Variants in ARVCF observed in about 807,000 individuals in gnomAD.
ARVCF encodes splicing regulator ARVCF.
A neutral mutation model predicts 90.9 loss-of-function variants in ARVCF; 66 were observed. The ratio of observed to expected loss-of-function variants is 0.73; its 90% CI spans 0.60 to 0.89. The LOEUF is 0.89. Ranked by LOEUF, ARVCF falls within the 40% of genes least tolerant of loss-of-function variation. The pLI is 0.00. For synonymous variants in ARVCF, 653 were observed against 603.4 expected (o/e 1.08, Z -1.21); for missense variants, 1,469 against 1,382.3 (o/e 1.06, Z -1.00).
intron 4 of ARVCF, 28 bp downstream of exon 4, chr22:19,981,905 C>G: frequency 6.2e-7 from 1 of 1,608,044 alleles, no homozygotes; most frequent in Non-Finnish European, 8.5e-7. Flanking sequence ...GCCCTGCTCA[C>G]CCACCCACTG....
chr22:19,972,782 C>G lies in ARVCF; in HGVS notation c.2596G>C (p.Gly866Arg), dbSNP rs1942892845. 1 of 1,613,472 alleles carries G rather than the reference C, an allele frequency of 6.2e-7. No individual in the cohort carries two copies. Among genetic ancestry groups the G allele is most frequent in the South Asian group, 1.1e-5 (1 of 91,066 alleles). ...GGCAGCGTGCTGTCATCGAAGCCCC[C>G]AGGACTCAGTGCTCCCTTAGGCCCC... Reference protein sequence around the residue: ...AKGPKGALSPGGFDDSTLPLV... With the variant: ...AKGPKGALSPRGFDDSTLPLV... Residue 866 changes from glycine to arginine, a missense_variant, in exon 16 of 20, where the codon GGG becomes CGG. Transcript: ENST00000263207.
intron 2 of ARVCF, among the ~76,000 whole-genome samples, chr22:19,991,082 C>A (rs746545070): frequency 6.6e-6 from 1 of 152,262 alleles, no homozygotes; most frequent in Non-Finnish European, 1.5e-5. Flanking sequence ...GGGCCGTGGG[C>A]GGCTTGGAGC....
At chr22:20,005,826 GTC>G (rs2146471156) in intron 2 of ARVCF, among the ~76,000 whole-genome samples, 2 of 151,476 alleles carry the variant, frequency 1.3e-5, no homozygotes, top group South Asian at 2.1e-4. Flanking sequence ...TGAAAGCAGA[GTC>G]TCCAAGAGAT....
chr22:20,003,263 G>A (rs1407945644), intron 2 of ARVCF, among the ~76,000 whole-genome samples: 1 of 152,126 alleles, frequency 6.6e-6, no homozygotes, highest in Non-Finnish European at 1.5e-5. Context: ...TGGTTTCACT[G>A]GTGTATTCTA....
chr22:20,006,833 T>C (rs1005784251), intron 2 of ARVCF, among the ~76,000 whole-genome samples: 2 of 151,620 alleles, frequency 1.3e-5, no homozygotes, highest in Admixed American at 1.3e-4. Flanking sequence ...GGTTTCACCA[T>C]GTTGACCAGG....
chr22:19,981,636 A>G lies in ARVCF; in HGVS notation c.471T>C (p.Pro157=), dbSNP rs1390484804. Reference sequence around the variant, plus strand: ...GCCGGTCCAGGGCACCATCTGCAAAAGGGCCTAGTGGGGGGCCGCCATCCA... The same window carrying G: ...GCCGGTCCAGGGCACCATCTGCAAAGGGGCCTAGTGGGGGGCCGCCATCCA... ...PLLDGGPPLG[P]FADGALDRHF... is the part of the protein sequence containing the mutation. Residue 157 remains proline, a synonymous_variant, in exon 5 of 20, where the codon CCT becomes CCC. Transcript: ENST00000263207. 1 of 1,609,328 alleles carries G rather than the reference A, an allele frequency of 6.2e-7. No homozygotes were observed. The highest frequency in any genetic ancestry group is 1.1e-5 in the South Asian group (1 of 90,996).
chr22:19,973,064 T>C, intron 14 of ARVCF, 28 bp from the exon 15 acceptor site: 3 of 1,608,076 alleles, frequency 1.9e-6, no homozygotes, highest in African/African-American at 1.3e-5. Flanking sequence ...GGGTCAGTGG[T>C]GGCCCCTCCC....
chr22:19,986,929 G>T, intron 3 of ARVCF: 1 of 517,964 alleles, frequency 1.9e-6, no homozygotes. Flanking sequence ...CCAGCCTGAC[G>T]CAGCCCAGCC....
Position 19,972,986 on chromosome 22 carries a change from C to T in ARVCF, c.2489G>A (p.Trp830Ter). Residue 830 changes from tryptophan to a stop codon, truncating the protein, a stop_gained, in exon 15 of 20, where the codon TGG becomes TAG. Coordinates refer to ENST00000263207, the MANE Select transcript of ARVCF (RefSeq NM_001670.3). LOFTEE classifies it high-confidence loss of function. ...GGTACCACGCAGCTCCTTGTAGCTC[C>T]ACACTGTCTGCAGCACGTGTGACGC... is the stretch of plus-strand genomic sequence containing the variant. ...KAASHVLQTV[W>*]SYKELRGTLQ... 6.2e-7 allele frequency: 1 copy of T among 1,613,674 alleles called. No homozygotes were observed. The highest frequency in any genetic ancestry group is 8.5e-7 in the Non-Finnish European group (1 of 1,180,026).
Position 19,981,717 on chromosome 22 carries a change from C to A in ARVCF, c.390G>T (p.Thr130=). Residue 130 remains threonine, a synonymous_variant, in exon 5 of 20, where the codon ACG becomes ACT. Transcript: ENST00000263207. ...TETKVTKTVK[T]VTTRTVRQVP... is the part of the protein sequence containing the mutation. Reference sequence around the variant, plus strand: ...CCTGGCGTACTGTCCGAGTGGTCACCGTCTTGACAGTCTTGGTGACCTGGT... The same window carrying A: ...CCTGGCGTACTGTCCGAGTGGTCACAGTCTTGACAGTCTTGGTGACCTGGT... The A allele has an allele frequency of 6.4e-7, 1 of 1,574,126 alleles. No homozygotes were observed. Among genetic ancestry groups the A allele is most frequent in the Non-Finnish European group, 8.6e-7 (1 of 1,158,204 alleles).
chr22:19,998,953 A>T (rs1019044701), intron 2 of ARVCF, among the ~76,000 whole-genome samples: 1 of 152,202 alleles, frequency 6.6e-6, no homozygotes, highest in Non-Finnish European at 1.5e-5. Flanking sequence ...CTGCAGCCAC[A>T]ACTCTGGGAC....
intron 3 of ARVCF, among the ~76,000 whole-genome samples, chr22:19,982,441 G>T (rs2518825): frequency 0.35 from 52,522 of 151,956 alleles, 9,618 homozygotes; most frequent in Non-Finnish European, 0.42. Flanking sequence ...TGCATGGCCT[G>T]GCTGCCACAG....
chr22:19,967,257 T>G, downstream of ARVCF: 2 of 1,280,550 alleles, frequency 1.6e-6, no homozygotes, highest in Non-Finnish European at 2.1e-6. Flanking sequence ...ACCCGAGAAG[T>G]CCAGGAGCCC....
Position 19,977,455 on chromosome 22 carries a change from C to A in ARVCF, c.1830G>T (p.Arg610Ser). The A allele has an allele frequency of 6.4e-7, 1 of 1,561,840 alleles. No homozygotes were observed. Among genetic ancestry groups the A allele is most frequent in the Non-Finnish European group, 8.7e-7 (1 of 1,154,176 alleles). ...CTCCAAAGCAGCTGGCATCATCCCG[C>A]CTCCGGCGCTGGGAGCCTACAGCAC... ...LGSAVGSQRRRRDDASCFGGK... is the reference protein window; with the variant it reads ...LGSAVGSQRRSRDDASCFGGK... The change falls in exon 9 of 20, where the codon AGG (arginine) becomes AGT (serine). Residue 610 changes from arginine (R) to serine (S), a missense_variant. By Grantham distance (110) the Arg-to-Ser change is moderately radical. Transcript: ENST00000263207.
downstream of ARVCF, among the ~76,000 whole-genome samples, chr22:19,966,299 C>T (rs943247511): frequency 2.0e-5 from 3 of 152,020 alleles, no homozygotes; most frequent in Non-Finnish European, 2.9e-5. Flanking sequence ...CTGTGAGCAT[C>T]GGAGGCACGA....
chr22:19,982,168 C>T, intron 3 of ARVCF, 77 bp from the exon 4 acceptor site: 4 of 1,560,832 alleles, frequency 2.6e-6, no homozygotes, highest in Non-Finnish European at 3.5e-6. Context: ...CACACAGCAG[C>T]TCTGCCTCAG....
chr22:19,970,796 C>G (rs1488257587), intron 19 of ARVCF, 53 bp from the exon 20 acceptor site: 17 of 1,293,826 alleles, frequency 1.3e-5, no homozygotes, highest in Non-Finnish European at 1.5e-5. Context: ...GGCACAGGAC[C>G]ACGTGTAACC....
intron 6 of ARVCF, 100 bp from the exon 7 acceptor site, chr22:19,979,180 C>T (rs968881161): frequency 1.7e-5 from 22 of 1,277,620 alleles, no homozygotes; most frequent in Non-Finnish European, 2.4e-5. Flanking sequence ...CCTCATGTCC[C>T]AGCTCATGCA....
At chr22:19,989,687 T>C (rs1943954643) in intron 3 of ARVCF, among the ~76,000 whole-genome samples, 1 of 152,042 alleles carries the variant, frequency 6.6e-6, no homozygotes, top group Non-Finnish European at 1.5e-5. Flanking sequence ...GTCTGGCTGC[T>C]GGGTTTAGCG....
Sources: gnomAD v4.1 joint callset for allele counts (sites outside exome capture counted in the v4.1 genomes callset) on GRCh38, gnomAD v4.1.1 for gene constraint, MANE v1.5 for transcripts, NCBI Gene and HGNC (gene_info 2026-07-23, HGNC 2026-07-21) for gene names.